PCYT1A: variants seen among roughly 807,000 people sequenced by gnomAD.
The protein encoded by PCYT1A is phosphate cytidylyltransferase 1A, choline.
In PCYT1A, 25 loss-of-function variants were observed where a neutral mutation model predicts 43.7. The ratio of observed to expected loss-of-function variants is 0.57; its 90% CI spans 0.42 to 0.80. PCYT1A has a LOEUF of 0.80. Among genes scored for constraint, PCYT1A ranks in the 30% least tolerant of loss-of-function variants. PCYT1A has a pLI of 0.00. For synonymous variants in PCYT1A, 172 were observed against 170.7 expected (o/e 1.01, Z -0.06); for missense variants, 421 against 474.2 (o/e 0.89, Z 1.04).
At position 196,277,038 on chromosome 3, in the gene PCYT1A, T is replaced by C. The variant is rs1434842473; in HGVS notation, c.-10-6497A>G. On this transcript the variant is annotated intron_variant, in intron 1 of 8. Transcript: ENST00000431016. This position sits in a 1 kb window ranked among gnomAD's most constrained non-coding sequence, Gnocchi z 4.1. ...TGAGGTCTGGAGTTCAAGACCAGCC[T>C]GGCCAACATGGTGAAACCCCGTTTC... Among the ~76,000 whole-genome samples, 1 of 152,040 alleles carries C rather than the reference T, an allele frequency of 6.6e-6. No homozygotes were observed. Among genetic ancestry groups the C allele is most frequent in the African/African-American group, 2.4e-5 (1 of 41,374 alleles).
At chr3:196,275,825 C>T (rs1725571125) in intron 1 of PCYT1A, among the ~76,000 whole-genome samples, 1 of 151,940 alleles carries the variant, frequency 6.6e-6, no homozygotes, top group African/African-American at 2.4e-5. Flanking sequence ...CAGCCAGGCA[C>T]GGTGGCTCAC....
chr3:196,274,923 G>A (rs1316163994), intron 1 of PCYT1A, among the ~76,000 whole-genome samples: 4 of 152,158 alleles, frequency 2.6e-5, no homozygotes, highest in Admixed American at 1.3e-4. Context: ...ATTTCACTCC[G>A]AGTTCTTTCA....
At chr3:196,260,908 CT>C (rs1725091756) in intron 2 of PCYT1A, among the ~76,000 whole-genome samples, 1 of 152,102 alleles carries the variant, frequency 6.6e-6, no homozygotes, top group African/African-American at 2.4e-5. Flanking sequence ...ACTTGCATTA[CT>C]CGTAATAGCC....
Position 196,247,657 on chromosome 3 carries a change from T to C in PCYT1A, c.335-139A>G, listed in dbSNP as rs1235276373. Reference sequence around the variant, plus strand: ...CTGGAAAAAAGTCTTCTAAAGGTGGTTGAACCTGGGTGATAACGCTTTTCC... The same window carrying C: ...CTGGAAAAAAGTCTTCTAAAGGTGGCTGAACCTGGGTGATAACGCTTTTCC... On this transcript the variant is annotated intron_variant, in intron 4 of 8. Transcript: ENST00000431016. The surrounding 1 kb of genome is among the most constrained non-coding windows in gnomAD (Gnocchi z 4.8). The C allele has an allele frequency of 1.2e-6, 1 of 814,718 alleles. No individual in the cohort carries two copies. Among genetic ancestry groups the C allele is most frequent in the Non-Finnish European group, 2.1e-6 (1 of 479,204 alleles). The allele number at this position is 814,718 out of a possible 1,614,324, so 50.5% of individuals were successfully genotyped here. A position where few individuals can be genotyped will look rare whatever the true frequency, so the allele number is the denominator to read the frequency against.
At position 196,273,724 on chromosome 3, in the gene PCYT1A, C is replaced by T. The variant is rs537218043; in HGVS notation, c.-10-3183G>A. Among the ~76,000 whole-genome samples the T allele has an allele frequency of 7.9e-5, 12 of 152,248 alleles. No homozygotes were observed. The South Asian group carries it at 8.3e-4, about 11-fold the overall frequency. On this transcript the variant is annotated intron_variant, in intron 1 of 8. Coordinates refer to ENST00000431016, the MANE Select transcript of PCYT1A (RefSeq NM_001312673.2). The surrounding 1 kb of genome is among the most constrained non-coding windows in gnomAD (Gnocchi z 4.1). Reference sequence around the variant, plus strand: ...AGTCCAGGGTTTCTACGGGCTTCAGCGGGCAGGAAGTGCATGCTGATTGGT... The same window carrying T: ...AGTCCAGGGTTTCTACGGGCTTCAGTGGGCAGGAAGTGCATGCTGATTGGT...
rs1250219198 is a variant in PCYT1A, at chr3:196,236,567, A to G, written c.*2121T>C. ...TGTCATAGGCGATCAGGATAACAAG[A>G]GGCTTCATTCTCCCTCGCCTCTGTG... On this transcript the variant is annotated 3_prime_UTR_variant, in exon 9 of 9. Coordinates refer to ENST00000431016, the MANE Select transcript of PCYT1A (RefSeq NM_001312673.2). 6.6e-6 allele frequency: 1 copy of G among 152,198 alleles called. No homozygotes were observed. Among genetic ancestry groups the G allele is most frequent in the Non-Finnish European group, 1.5e-5 (1 of 68,046 alleles). The allele number at this position is 152,198 out of a possible 1,614,324, so 9.4% of individuals were successfully genotyped here. A position where few individuals can be genotyped will look rare whatever the true frequency, so the allele number is the denominator to read the frequency against.
chr3:196,256,212 G>T (rs1355857944), intron 3 of PCYT1A, among the ~76,000 whole-genome samples: 2 of 152,124 alleles, frequency 1.3e-5, no homozygotes, highest in Admixed American at 6.5e-5. Context: ...CCCGGCATTG[G>T]CCGGCGCGGT....
chr3:196,279,820 T>C (rs950224501), intron 1 of PCYT1A, among the ~76,000 whole-genome samples: 2 of 140,588 alleles, frequency 1.4e-5, no homozygotes, highest in African/African-American at 5.3e-5. Flanking sequence ...TCCTATCCAG[T>C]CCTTTCTTTT....
At chr3:196,251,929 A>G (rs1724803803) in intron 3 of PCYT1A, among the ~76,000 whole-genome samples, 1 of 152,138 alleles carries the variant, frequency 6.6e-6, no homozygotes. Context: ...TGATTTTTTG[A>G]GACAGGGTCT....
intron 5 of PCYT1A, among the ~76,000 whole-genome samples, chr3:196,244,157 G>C (rs1337024757): frequency 1.3e-5 from 2 of 148,804 alleles, no homozygotes; most frequent in South Asian, 2.1e-4. Flanking sequence ...CCCCGTCTGG[G>C]AACTGAGGAG....
rs1161245897 is a variant in PCYT1A at position 196,238,390 on chromosome 3, A to C, written c.*298T>G. The C allele has an allele frequency of 1.6e-5, 4 of 248,612 alleles. No individual in the cohort carries two copies. The highest frequency in any genetic ancestry group is 8.9e-5 in the African/African-American group (4 of 45,096). 15.4% of individuals were successfully genotyped at this position (248,612 alleles called of 1,614,324 possible). ...ACGAATTTTTTAAAAAATTAATGAA[A>C]ATGACAATTTCCCTGTTGAGATCAC... On this transcript the variant is annotated 3_prime_UTR_variant, in exon 9 of 9. Transcript: ENST00000431016.
chr3:196,242,832 C>T lies in PCYT1A; in HGVS notation c.487-192G>A. 1.7e-6 allele frequency: 1 copy of T among 605,698 alleles called. No individual in the cohort carries two copies. The highest frequency in any genetic ancestry group is 3.0e-6 in the Non-Finnish European group (1 of 334,122). The allele number at this position is 605,698 out of a possible 1,614,324, so 37.5% of individuals were successfully genotyped here. A position where few individuals can be genotyped will look rare whatever the true frequency, so the allele number is the denominator to read the frequency against. Reference sequence around the variant, plus strand: ...CCAACCTAATGATTTATGGAGTATACATATGAAGTTAGCCAGCTGCTTTTG... The same window carrying T: ...CCAACCTAATGATTTATGGAGTATATATATGAAGTTAGCCAGCTGCTTTTG... On this transcript the variant is annotated intron_variant, in intron 5 of 8. Coordinates refer to ENST00000431016, the MANE Select transcript of PCYT1A (RefSeq NM_001312673.2). The surrounding 1 kb of genome is among the most constrained non-coding windows in gnomAD (Gnocchi z 4.2).
chr3:196,284,230 G>A (rs1185796665), intron 1 of PCYT1A, among the ~76,000 whole-genome samples: 2 of 152,014 alleles, frequency 1.3e-5, no homozygotes, highest in Admixed American at 1.3e-4. Context: ...TAATAACAAT[G>A]GAAAATTATG....
At chr3:196,275,473 C>T (rs775495606) in intron 1 of PCYT1A, among the ~76,000 whole-genome samples, 4 of 152,190 alleles carry the variant, frequency 2.6e-5, no homozygotes, top group East Asian at 1.9e-4. Flanking sequence ...CAGTGGCTCA[C>T]GCCTGTAATC....
chr3:196,234,434 A>G lies in PCYT1A; in HGVS notation c.*4254T>C, dbSNP rs1256950337. ...ATCCAAAATAACTCAGAACAAACTA[A>G]GAACAGACAGGAAAATTACAGACTG... On this transcript the variant is annotated 3_prime_UTR_variant, in exon 9 of 9. Transcript: ENST00000431016. The G allele has an allele frequency of 1.3e-5, 2 of 152,250 alleles. No homozygotes were observed. Among genetic ancestry groups the G allele is most frequent in the Non-Finnish European group, 2.9e-5 (2 of 68,052 alleles). The allele number at this position is 152,250 out of a possible 1,614,324, so 9.4% of individuals were successfully genotyped here.
rs574165189 is a variant in PCYT1A, at chr3:196,250,228, G to C, written c.218-1905C>G. Among the ~76,000 whole-genome samples the C allele has an allele frequency of 9.5e-4, 139 of 147,056 alleles. 2 individuals carry two copies. Among genetic ancestry groups the C allele is most frequent in the African/African-American group, 3.4e-3 (137 of 40,326 alleles). On this transcript the variant is annotated intron_variant, in intron 3 of 8. Coordinates refer to ENST00000431016, the MANE Select transcript of PCYT1A (RefSeq NM_001312673.2). Reference sequence around the variant, plus strand: ...CAGAGGACCAGGTACACCATGCCGAGGCTGAGGACCAGGTACACCATGCCG... The same window carrying C: ...CAGAGGACCAGGTACACCATGCCGACGCTGAGGACCAGGTACACCATGCCG...
intron 3 of PCYT1A, among the ~76,000 whole-genome samples, chr3:196,249,561 G>A (rs879322739): frequency 4.6e-5 from 7 of 152,060 alleles, no homozygotes; most frequent in Non-Finnish European, 8.8e-5. Context: ...ATGATTTCCC[G>A]GGGAACAAGA....
chr3:196,248,358 C>A (rs780568326), intron 3 of PCYT1A, 35 bp from the exon 4 acceptor site: 1 of 1,267,966 alleles, frequency 7.9e-7, no homozygotes, highest in Admixed American at 1.8e-5. Context: ...CACAAAAATA[C>A]CTTTTTTTTT....
At chr3:196,281,817 C>A (rs1725779492) in intron 1 of PCYT1A, among the ~76,000 whole-genome samples, 1 of 152,116 alleles carries the variant, frequency 6.6e-6, no homozygotes, top group Non-Finnish European at 1.5e-5. Flanking sequence ...CCTGCCTCAC[C>A]CTCCCAAGTA....
Sources: gnomAD v4.1 joint callset for allele counts (sites outside exome capture counted in the v4.1 genomes callset) on GRCh38, gnomAD v4.1.1 for gene constraint, Gnocchi (gnomAD v3.1) non-coding constraint, MANE v1.5 for transcripts, NCBI Gene and HGNC (gene_info 2026-07-23, HGNC 2026-07-21) for gene names.